Variants in FAT3 observed in about 807,000 individuals in gnomAD.
The protein encoded by FAT3 is FAT atypical cadherin 3, also known as protocadherin Fat 3.
A neutral mutation model predicts 310.2 loss-of-function variants in FAT3; 95 were observed. The observed-to-expected ratio is 0.31, with a 90% CI of 0.26 to 0.36. The LOEUF is 0.36. FAT3 is among the 10% of genes least tolerant of loss of function. The pLI is 1.00. For synonymous variants in FAT3, 2,314 were observed against 2,192.9 expected, an observed-to-expected ratio of 1.06 and a Z score of -1.54; for missense variants, 5,408 against 5,715.6, an observed-to-expected ratio of 0.95 and a Z score of 1.74.
chr11:92,430,765 G>T (rs1273171161), intron 2 of FAT3, among the ~76,000 whole-genome samples: 13 of 151,616 alleles, frequency 8.6e-5, no homozygotes, highest in Non-Finnish European at 5.9e-5. Context: ...GCGATGTTTG[G>T]TTTTTTGTCC....
chr11:92,240,616 T>C (rs1864637105), intron 1 of FAT3, among the ~76,000 whole-genome samples: 1 of 150,438 alleles, frequency 6.6e-6, no homozygotes, highest in Non-Finnish European at 1.5e-5. Context: ...CAAACTGTAA[T>C]TGAAGGTTTT....
intron 3 of FAT3, among the ~76,000 whole-genome samples, chr11:92,574,589 C>T (rs1045552138): frequency 4.6e-5 from 7 of 152,104 alleles, no homozygotes; most frequent in African/African-American, 1.2e-4. Context: ...ATTTCTCTTC[C>T]GTGGTTGCTT....
rs962116637 is a variant in FAT3, at chr11:92,883,462, C to A, written c.12937+69C>A. ...AACCTGCAGGGGCGCTGTGCGAGGACGCTACGGGAAGGGAGAGAGACCCCG... is the reference window on the plus strand; with the variant it reads ...AACCTGCAGGGGCGCTGTGCGAGGAAGCTACGGGAAGGGAGAGAGACCCCG... On this transcript the variant is annotated intron_variant, in intron 24 of 27. Transcript: ENST00000525166. This position sits in a 1 kb window ranked among gnomAD's most constrained non-coding sequence, Gnocchi z 4.2. 4.6e-6 allele frequency: 7 copies of A among 1,525,110 alleles called. No homozygotes were observed. The highest frequency in any genetic ancestry group is 2.5e-4 in the Middle Eastern group (1 of 4,058). The allele number at this position is 1,525,110 out of a possible 1,614,324, so 94.5% of individuals were successfully genotyped here.
At chr11:92,248,027 TA>T (rs2134270375) in intron 1 of FAT3, among the ~76,000 whole-genome samples, 1 of 152,208 alleles carries the variant, frequency 6.6e-6, no homozygotes, top group African/African-American at 2.4e-5. Context: ...TAAATAAGAA[TA>T]ACATTTAAAT....
intron 3 of FAT3, among the ~76,000 whole-genome samples, chr11:92,610,080 T>C (rs1940492042): frequency 6.6e-6 from 1 of 152,318 alleles, no homozygotes; most frequent in East Asian, 1.9e-4. Flanking sequence ...GTCGATATTA[T>C]GTGAAAATTT....
intron 4 of FAT3, among the ~76,000 whole-genome samples, chr11:92,701,328 A>C (rs935145918): frequency 5.9e-5 from 9 of 152,218 alleles, no homozygotes; most frequent in African/African-American, 1.9e-4. Flanking sequence ...CCATCTATAC[A>C]TTGGTTTAAG....
At chr11:92,781,003 G>C (rs1203987244) in intron 7 of FAT3, among the ~76,000 whole-genome samples, 1 of 151,312 alleles carries the variant, frequency 6.6e-6, no homozygotes, top group Non-Finnish European at 1.5e-5. Context: ...AAAATACATA[G>C]TAATATATGA....
intron 7 of FAT3, among the ~76,000 whole-genome samples, chr11:92,786,697 A>G (rs993331361): frequency 6.6e-6 from 1 of 152,162 alleles, no homozygotes; most frequent in Non-Finnish European, 1.5e-5. Flanking sequence ...ATATGGAAAC[A>G]TATATAATAA....
intron 2 of FAT3, among the ~76,000 whole-genome samples, chr11:92,485,896 ATCTTTTTCTAGAT>A (rs1756058955): frequency 6.6e-6 from 1 of 151,042 alleles, no homozygotes; most frequent in Non-Finnish European, 1.5e-5. Context: ...AACTCTGTGA[ATCTTTTTCTAGAT>A]TAATGCTGCT....
At chr11:92,573,522 G>T (rs1178393100) in intron 3 of FAT3, among the ~76,000 whole-genome samples, 1 of 152,026 alleles carries the variant, frequency 6.6e-6, no homozygotes, top group African/African-American at 2.4e-5. Context: ...TTGGAATTAG[G>T]GTCTTTGCAG....
chr11:92,676,957 G>T (rs1424882428), intron 3 of FAT3, among the ~76,000 whole-genome samples: 1 of 152,186 alleles, frequency 6.6e-6, no homozygotes, highest in Non-Finnish European at 1.5e-5. Context: ...GTCATAATGT[G>T]CTCTGAATAT....
intron 2 of FAT3, among the ~76,000 whole-genome samples, chr11:92,523,791 TG>T (rs1334116876): frequency 6.6e-6 from 1 of 152,146 alleles, no homozygotes; most frequent in Non-Finnish European, 1.5e-5. Flanking sequence ...GCCTAGTGAT[TG>T]GGTAAGTGTT....
chr11:92,424,058 GGTTTTGTTTT>G lies in FAT3; in HGVS notation c.3292+68670_3292+68679del, dbSNP rs553735323. Among the ~76,000 whole-genome samples, 47 of 152,098 alleles carry G rather than the reference GGTTTTGTTTT, an allele frequency of 3.1e-4. No homozygotes were observed. The South Asian group carries it at 8.7e-3, about 28-fold the overall frequency. Reference sequence around the variant, plus strand: ...CAAATGGAGGGTGGACACCTACAAAGGTTTTGTTTTGTTTTGTTTTGTTTTTTGCTTTGTT... The same window carrying G: ...CAAATGGAGGGTGGACACCTACAAAGGTTTTGTTTTGTTTTTTGCTTTGTT... On this transcript the variant is annotated intron_variant, in intron 2 of 27. Coordinates refer to ENST00000525166, the MANE Select transcript of FAT3 (RefSeq NM_001367949.2).
At chr11:92,813,775 A>G (rs544941500) in intron 13 of FAT3, among the ~76,000 whole-genome samples, 1 of 152,354 alleles carries the variant, frequency 6.6e-6, no homozygotes, top group African/African-American at 2.4e-5. Context: ...ATCATTGGCT[A>G]CATTTGTGTA....
At chr11:92,316,211 G>A (rs1172370822) in intron 1 of FAT3, among the ~76,000 whole-genome samples, 1 of 151,874 alleles carries the variant, frequency 6.6e-6, no homozygotes, top group African/African-American at 2.4e-5. Flanking sequence ...GAGAAATAGG[G>A]GGACCAGCTT....
At chr11:92,544,994 T>G (rs1312219659) in intron 3 of FAT3, among the ~76,000 whole-genome samples, 4 of 152,194 alleles carry the variant, frequency 2.6e-5, no homozygotes, top group Admixed American at 2.6e-4. Context: ...TGTCAAAGCC[T>G]CTAAGGATAG....
At chr11:92,626,639 A>T (rs150151961) in intron 3 of FAT3, among the ~76,000 whole-genome samples, 1 of 152,226 alleles carries the variant, frequency 6.6e-6, no homozygotes, top group Non-Finnish European at 1.5e-5. Flanking sequence ...TGGGGGAGTA[A>T]TCTTAGAATT....
intron 1 of FAT3, among the ~76,000 whole-genome samples, chr11:92,348,205 A>G (rs1000953783): frequency 5.3e-5 from 8 of 152,102 alleles, no homozygotes; most frequent in Admixed American, 6.5e-5. Context: ...CAACAACTGA[A>G]TTTGACAAAC....
intron 4 of FAT3, among the ~76,000 whole-genome samples, chr11:92,737,117 A>G (rs1945370464): frequency 6.6e-6 from 1 of 152,198 alleles, no homozygotes; most frequent in African/African-American, 2.4e-5. Flanking sequence ...AGACTGAAAC[A>G]GTAATATCTC....
Sources: allele counts gnomAD v4.1 joint callset (sites outside exome capture counted in the v4.1 genomes callset), GRCh38; gene constraint gnomAD v4.1.1; non-coding constraint Gnocchi (gnomAD v3.1); transcripts MANE v1.5; gene names NCBI Gene and HGNC (gene_info 2026-07-23, HGNC 2026-07-21).